Variants in KLHL5 observed in about 807,000 individuals in gnomAD.
KLHL5 encodes kelch-like protein 5.
KLHL5 carries 48 observed loss-of-function variants against 77.7 expected under a neutral mutation model. That is an observed-to-expected ratio of 0.62 (90% CI 0.49 to 0.79). KLHL5 has a LOEUF of 0.79. Among genes scored for constraint, KLHL5 ranks in the 30% least tolerant of loss-of-function variants. The pLI is 0.00. For missense variants in KLHL5, 723 were observed against 859.7 expected (o/e 0.84, Z 1.99); for synonymous variants, 260 against 297.0 (o/e 0.88, Z 1.28).
the KLHL5 span, chr4:39,135,219 C>T: frequency 2.2e-4 from 34 of 152,284 alleles, no homozygotes; most frequent in African/African-American, 7.7e-4. Context: ...GATTTTATTA[C>T]TGAAGGCACA....
intron 8 of KLHL5, among the ~76,000 whole-genome samples, chr4:39,112,391 T>C (rs1028136142): frequency 6.6e-6 from 1 of 152,232 alleles, no homozygotes; most frequent in Admixed American, 6.5e-5. Context: ...CCTATTTCAC[T>C]ATTACAAGTA....
downstream of KLHL5, among the ~76,000 whole-genome samples, chr4:39,127,117 C>T (rs1172525501): frequency 1.3e-5 from 2 of 152,078 alleles, no homozygotes; most frequent in African/African-American, 2.4e-5. Flanking sequence ...TGGGGGATTG[C>T]TTGAGCTCAG....
rs769037704 is a variant in KLHL5 at position 39,107,694 on chromosome 4, C to T, written c.1651C>T (p.Pro551Ser). The T allele has an allele frequency of 6.2e-7, 1 of 1,611,860 alleles. No homozygotes were observed. The highest frequency in any genetic ancestry group is 1.1e-5 in the South Asian group (1 of 90,824). ...QWNFVATMST[P>S]RSTVGVAVLS... ...GAATTTTGTTGCCACTATGTCTACCCCTAGGAGTACAGTAGGTGTGGCAGT... is the reference window on the plus strand; with the variant it reads ...GAATTTTGTTGCCACTATGTCTACCTCTAGGAGTACAGTAGGTGTGGCAGT... Residue 551 changes from proline (P) to serine (S), a missense_variant, in exon 8 of 11, where the codon CCT becomes TCT. Around this residue, in one of 3 missense-constraint regions of KLHL5, gnomAD observed 214 missense variants for 237.4 expected, o/e 0.90. Transcript: ENST00000504108.
the KLHL5 span, among the ~76,000 whole-genome samples, chr4:39,140,855 T>G: frequency 3.3e-5 from 5 of 152,160 alleles, no homozygotes; most frequent in Non-Finnish European, 5.9e-5. Flanking sequence ...GCAGATAAAA[T>G]TCTATTTTCC....
At chr4:39,112,585 G>A (rs1722522602) in intron 8 of KLHL5, 2 of 172,474 alleles carry the variant, frequency 1.2e-5, no homozygotes, top group Admixed American at 1.1e-4. Flanking sequence ...CGGTACATGT[G>A]AAGTGCCTAA....
intron 1 of KLHL5, among the ~76,000 whole-genome samples, chr4:39,052,033 T>A (rs1006908119): frequency 6.6e-6 from 1 of 152,232 alleles, no homozygotes; most frequent in African/African-American, 2.4e-5. Context: ...ACTTGTATTA[T>A]CTGCAGTGCC....
the KLHL5 span, among the ~76,000 whole-genome samples, chr4:39,140,808 T>C: frequency 6.6e-6 from 1 of 152,234 alleles, no homozygotes; most frequent in Non-Finnish European, 1.5e-5. Context: ...AGATGAATTT[T>C]ATGAAAATGA....
At chr4:39,045,033 C>G (rs550365512), upstream of KLHL5, 3,761 of 994,136 alleles carry the variant, frequency 3.8e-3, 82 homozygotes, top group African/African-American at 0.054. Context: ...CCCGCCTCCC[C>G]CGCTCCTCCC....
intron 6 of KLHL5, among the ~76,000 whole-genome samples, chr4:39,099,756 C>T (rs1049164424): frequency 1.3e-5 from 2 of 152,094 alleles, no homozygotes; most frequent in South Asian, 2.1e-4. Flanking sequence ...TATAACATAG[C>T]GCTATTTATT....
chr4:39,065,849 G>A (rs1717854655), intron 1 of KLHL5, among the ~76,000 whole-genome samples: 1 of 152,242 alleles, frequency 6.6e-6, no homozygotes, highest in African/African-American at 2.4e-5. Flanking sequence ...ATGGATTTCA[G>A]AACTTAAACT....
At chr4:39,097,146 G>C (rs1331457197) in intron 6 of KLHL5, among the ~76,000 whole-genome samples, 1 of 152,106 alleles carries the variant, frequency 6.6e-6, no homozygotes, top group African/African-American at 2.4e-5. Context: ...ATAAATAATA[G>C]TAAAATATTA....
intron 6 of KLHL5, among the ~76,000 whole-genome samples, chr4:39,100,822 A>T (rs952301555): frequency 1.1e-4 from 16 of 151,964 alleles, no homozygotes. Flanking sequence ...ATTCTGACCT[A>T]TCCTGTTCAA....
chr4:39,060,671 G>T (rs958188025), upstream of KLHL5, among the ~76,000 whole-genome samples: 1 of 152,176 alleles, frequency 6.6e-6, no homozygotes, highest in Non-Finnish European at 1.5e-5. Context: ...GACCAATGAA[G>T]TGGTGTGTCT....
At chr4:39,141,613 T>A in the KLHL5 span, among the ~76,000 whole-genome samples, 3 of 151,956 alleles carry the variant, frequency 2.0e-5, no homozygotes, top group African/African-American at 7.2e-5. Flanking sequence ...GCCCGGCCTA[T>A]TTTTTAGTCT....
intron 1 of KLHL5, chr4:39,063,433 TAG>T (rs1717609565): frequency 1.1e-5 from 3 of 271,212 alleles, no homozygotes; most frequent in Middle Eastern, 1.4e-3. Context: ...TAACAGATGA[TAG>T]AGTCATTTTT....
intron 2 of KLHL5, among the ~76,000 whole-genome samples, chr4:39,077,576 A>G (rs981533134): frequency 6.6e-6 from 1 of 152,154 alleles, no homozygotes; most frequent in Admixed American, 6.5e-5. Context: ...AAATCGAAAA[A>G]TAATCAATGT....
intron 4 of KLHL5, among the ~76,000 whole-genome samples, chr4:39,083,624 C>T (rs150780508): frequency 8.9e-4 from 136 of 152,192 alleles, no homozygotes; most frequent in African/African-American, 3.2e-3. Flanking sequence ...TTTATAGATT[C>T]TCATTTTAAC....
chr4:39,050,413 G>C (rs1189293094), intron 1 of KLHL5, among the ~76,000 whole-genome samples: 1 of 152,196 alleles, frequency 6.6e-6, no homozygotes, highest in Admixed American at 6.5e-5. Context: ...ACCAATAACA[G>C]AAAGCTAGGA....
intron 8 of KLHL5, among the ~76,000 whole-genome samples, chr4:39,109,988 A>G (rs1312239858): frequency 6.6e-6 from 1 of 152,058 alleles, no homozygotes; most frequent in Non-Finnish European, 1.5e-5. Context: ...TCTTCCTACC[A>G]TGTTTGACAG....
Sources: gnomAD v4.1 joint callset for allele counts (sites outside exome capture counted in the v4.1 genomes callset) on GRCh38, gnomAD v4.1.1 for gene constraint, gnomAD v4.1.1 regional missense constraint, MANE v1.5 for transcripts, NCBI Gene and HGNC (gene_info 2026-07-23, HGNC 2026-07-21) for gene names.